P2RX7: variants seen among roughly 807,000 people sequenced by gnomAD.
P2RX7 encodes P2X purinoceptor 7.
A neutral mutation model predicts 71.6 loss-of-function variants in P2RX7; 62 were observed. The ratio of observed to expected loss-of-function variants is 0.87; its 90% CI spans 0.71 to 1.07. The LOEUF is 1.07. Among genes scored for constraint, P2RX7 ranks in the 50% least tolerant of loss-of-function variants. The pLI is 0.00. For synonymous variants in P2RX7, 299 were observed against 283.3 expected, an observed-to-expected ratio of 1.06 and a Z score of -0.56; for missense variants, 686 against 748.5, an observed-to-expected ratio of 0.92 and a Z score of 0.97.
chr12:121,166,447 G>C (rs208310), intron 7 of P2RX7, among the ~76,000 whole-genome samples: 45,395 of 152,060 alleles, frequency 0.3, 6,992 homozygotes, highest in African/African-American at 0.33. Context: ...TGGCTTCAAA[G>C]AACACATATT....
chr12:121,162,607 G>T (rs1879976609), intron 5 of P2RX7, 87 bp downstream of exon 5: 1 of 1,493,092 alleles, frequency 6.7e-7, no homozygotes, highest in Non-Finnish European at 9.1e-7. Context: ...TCCCCTCTCA[G>T]CACAGCCCTG....
chr12:121,140,146 T>A (rs1389071609), intron 1 of P2RX7, among the ~76,000 whole-genome samples: 1 of 152,070 alleles, frequency 6.6e-6, no homozygotes, highest in Non-Finnish European at 1.5e-5. Context: ...GTAACCCAGT[T>A]CGGGAAGTGA....
chr12:121,176,693 A>G (rs1407717573), intron 9 of P2RX7, among the ~76,000 whole-genome samples: 2 of 144,824 alleles, frequency 1.4e-5, no homozygotes, highest in African/African-American at 2.6e-5. Flanking sequence ...CGGAGCTTGC[A>G]GTGAGCCGAG....
chr12:121,163,569 GATA>G, intron 5 of P2RX7, among the ~76,000 whole-genome samples: 1 of 96,466 alleles, frequency 1.0e-5, no homozygotes, highest in East Asian at 3.2e-4. Flanking sequence ...TAGATAGATA[GATA>G]AATAGATAAT....
chr12:121,145,389 T>C (rs1448916476), intron 1 of P2RX7, among the ~76,000 whole-genome samples: 1 of 152,204 alleles, frequency 6.6e-6, no homozygotes, highest in Non-Finnish European at 1.5e-5. Context: ...TGTTGTTTAC[T>C]TGGCAAGAGA....
At chr12:121,150,233 T>C (rs1877109832) in intron 1 of P2RX7, among the ~76,000 whole-genome samples, 1 of 152,246 alleles carries the variant, frequency 6.6e-6, no homozygotes. Context: ...TTGACGCAGC[T>C]CTGAAGCATT....
In P2RX7 at chr12:121,154,651, G is replaced by A. The variant is rs762147937; in HGVS notation, c.126-134G>A. 8.3e-5 allele frequency: 59 copies of A among 709,824 alleles called. No homozygotes were observed. Among genetic ancestry groups the A allele is most frequent in the Non-Finnish European group, 1.5e-4 (57 of 390,874 alleles). The allele number at this position is 709,824 out of a possible 1,614,324, so 44.0% of individuals were successfully genotyped here. A position where few individuals can be genotyped will look rare whatever the true frequency, so the allele number is the denominator to read the frequency against. On this transcript the variant is annotated intron_variant, in intron 1 of 12. Coordinates refer to ENST00000328963, the MANE Select transcript of P2RX7 (RefSeq NM_002562.6). The surrounding 1 kb of genome is among the most constrained non-coding windows in gnomAD (Gnocchi z 4.2). ...CTATTCTTCCCATTATCCAGAGAGG[G>A]AAAACAAGTCACACGGAAGCAAGTC...
At chr12:121,145,073 G>A (rs1381214859) in intron 1 of P2RX7, among the ~76,000 whole-genome samples, 1 of 152,114 alleles carries the variant, frequency 6.6e-6, no homozygotes, top group Non-Finnish European at 1.5e-5. Flanking sequence ...GCATATAGAC[G>A]GCAACCAGAA....
chr12:121,166,259 G>A (rs1880999118), intron 7 of P2RX7, 72 bp downstream of exon 7: 1 of 1,520,792 alleles, frequency 6.6e-7, no homozygotes, highest in East Asian at 2.3e-5. Context: ...CAGCCAAGAG[G>A]CCGGGCCACT....
intron 4 of P2RX7, 95 bp from the exon 5 acceptor site, chr12:121,162,329 T>C (rs1449170206): frequency 6.6e-7 from 1 of 1,526,174 alleles, no homozygotes; most frequent in Non-Finnish European, 8.8e-7. Flanking sequence ...AAGCCTAGTC[T>C]CTCGCCCGGG....
intron 12 of P2RX7, 108 bp from the exon 13 acceptor site, chr12:121,184,194 GCTA>G: frequency 7.7e-7 from 1 of 1,301,212 alleles, no homozygotes; most frequent in Non-Finnish European, 1.0e-6. Context: ...ATAAATGACG[GCTA>G]CTATAAATCA....
At chr12:121,143,907 A>G (rs1875572354) in intron 1 of P2RX7, among the ~76,000 whole-genome samples, 2 of 152,168 alleles carry the variant, frequency 1.3e-5, no homozygotes, top group African/African-American at 4.8e-5. Flanking sequence ...CATATCAGAA[A>G]ATCACCGGTT....
At chr12:121,168,284 T>TCTTTTC (rs58659503) in intron 8 of P2RX7, among the ~76,000 whole-genome samples, 2 of 147,166 alleles carry the variant, frequency 1.4e-5, no homozygotes, top group African/African-American at 5.0e-5. Flanking sequence ...TCTTTTCTTT[T>TCTTTTC]TTTTTTTTAG....
chr12:121,140,271 G>C (rs1049769107), intron 1 of P2RX7, among the ~76,000 whole-genome samples: 1 of 152,226 alleles, frequency 6.6e-6, no homozygotes, highest in Non-Finnish European at 1.5e-5. Context: ...AACCTGGGGA[G>C]AGAGGAGGGA....
At position 121,186,068 on chromosome 12, in the gene P2RX7, G is replaced by GAA; in HGVS notation, c.*1275_*1276dup. Reference sequence around the variant, plus strand: ...GACTCCATCTCAAAAAAAAAAAAAAGAAAAAAAAAATGTCTGCCTATCCTG... The same window carrying GAA: ...GACTCCATCTCAAAAAAAAAAAAAAGAAAAAAAAAAAATGTCTGCCTATCCTG... On this transcript the variant is annotated 3_prime_UTR_variant, in exon 13 of 13. Transcript: ENST00000328963. 3 of 142,108 alleles carry GAA rather than the reference G, an allele frequency of 2.1e-5. No homozygotes were observed. Among genetic ancestry groups the GAA allele is most frequent in the Non-Finnish European group, 4.6e-5 (3 of 65,064 alleles). 8.8% of individuals were successfully genotyped at this position (142,108 alleles called of 1,614,324 possible). A position where few individuals can be genotyped will look rare whatever the true frequency, so the allele number is the denominator to read the frequency against.
rs776199891 is a variant in P2RX7 at position 121,154,806 on chromosome 12, G to T, written c.147G>T (p.Lys49Asn). ...TTAGCTTTGCTCTGGTGAGTGACAAGCTGTACCAGCGGAAAGAGCCTGTCA... is the reference window on the plus strand; with the variant it reads ...TTAGCTTTGCTCTGGTGAGTGACAATCTGTACCAGCGGAAAGAGCCTGTCA... ...SYVCFALVSD[K>N]LYQRKEPVIS... Residue 49 changes from lysine (K) to asparagine (N), a missense_variant, in exon 2 of 13, where the codon AAG becomes AAT. Coordinates refer to ENST00000328963, the MANE Select transcript of P2RX7 (RefSeq NM_002562.6). This position sits in a 1 kb window ranked among gnomAD's most constrained non-coding sequence, Gnocchi z 4.2. The T allele has an allele frequency of 6.2e-7, 1 of 1,613,690 alleles. No individual in the cohort carries two copies. Among genetic ancestry groups the T allele is most frequent in the Non-Finnish European group, 8.5e-7 (1 of 1,179,680 alleles).
chr12:121,134,783 CT>C (rs138362372), intron 1 of P2RX7, among the ~76,000 whole-genome samples: 5,578 of 152,168 alleles, frequency 0.037, 285 homozygotes, highest in African/African-American at 0.11. Context: ...TGGTGAGTGC[CT>C]CTTATTCTCT....
At chr12:121,166,284 T>C in intron 7 of P2RX7, 97 bp downstream of exon 7, 1 of 1,321,332 alleles carries the variant, frequency 7.6e-7, no homozygotes, top group Non-Finnish European at 1.1e-6. Context: ...CTTCATAATG[T>C]GGCTCACATT....
chr12:121,162,497 C>T lies in P2RX7; in HGVS notation c.510C>T (p.Ile170=), dbSNP rs773490717. ...GTGAAGTCTCTGCCTGGTGCCCCAT[C>T]GAGGCAGTGGAAGAGGCCCCCCGGT... ...KTCEVSAWCP[I]EAVEEAPRPA... The change falls in exon 5 of 13, where the codon ATC becomes ATT. Residue 170 remains isoleucine (I), a synonymous_variant. Coordinates refer to ENST00000328963, the MANE Select transcript of P2RX7 (RefSeq NM_002562.6). The T allele has an allele frequency of 7.4e-6, 12 of 1,613,336 alleles. No individual in the cohort carries two copies. The highest frequency in any genetic ancestry group is 3.3e-5 in the Admixed American group (2 of 59,986).
Sources: gnomAD v4.1 joint callset for allele counts (sites outside exome capture counted in the v4.1 genomes callset) on GRCh38, gnomAD v4.1.1 for gene constraint, Gnocchi (gnomAD v3.1) non-coding constraint, MANE v1.5 for transcripts, NCBI Gene and HGNC (gene_info 2026-07-23, HGNC 2026-07-21) for gene names.